WDR19: variants seen among roughly 807,000 people sequenced by gnomAD.
WDR19 encodes the protein WD repeat domain 19, also known as WD repeat-containing protein 19.
A neutral mutation model predicts 180.0 loss-of-function variants in WDR19; 121 were observed. The observed-to-expected ratio is 0.67, with a 90% CI of 0.58 to 0.78. WDR19 has a LOEUF of 0.78. WDR19 is among the 30% of genes least tolerant of loss of function. The pLI, the probability that WDR19 is intolerant of heterozygous loss-of-function variation, is 0.00. For missense variants in WDR19, 1,450 were observed against 1,640.7 expected (o/e 0.88, Z 2.01); for synonymous variants, 497 against 540.7 (o/e 0.92, Z 1.12).
chr4:39,285,798 A>ATTG lies in WDR19; in HGVS notation c.*329_*331dup, dbSNP rs1450299194. ...GTATTTTGAAAAACTTTAAAATAAA[A>ATTG]TTGTTGACTAGATATCTGTGACGTT... On this transcript the variant is annotated 3_prime_UTR_variant, in exon 37 of 37. Coordinates refer to ENST00000399820, the MANE Select transcript of WDR19 (RefSeq NM_025132.4). 4 of 152,236 alleles carry ATTG rather than the reference A, an allele frequency of 2.6e-5. No individual in the cohort carries two copies. Among genetic ancestry groups the ATTG allele is most frequent in the African/African-American group, 9.6e-5 (4 of 41,454 alleles). 9.4% of individuals were successfully genotyped at this position (152,236 alleles called of 1,614,324 possible).
rs1725447541 is a variant in WDR19 at position 39,185,764 on chromosome 4, A to G, written c.45A>G (p.Ala15=). Residue 15 remains alanine, a synonymous_variant, in exon 2 of 37, where the codon GCA becomes GCG. Coordinates refer to ENST00000399820, the MANE Select transcript of WDR19 (RefSeq NM_025132.4). ...FSLLEKTWLG[A]PIQFAWQKTS... ...TGCTAGAAAAGACTTGGCTTGGCGC[A>G]CCAATACAGTTTGCCTGGCAAAAAA... 6 of 1,559,678 alleles carry G rather than the reference A, an allele frequency of 3.8e-6. No individual in the cohort carries two copies. The highest frequency in any genetic ancestry group is 4.3e-6 in the Non-Finnish European group (5 of 1,150,840).
chr4:39,218,378 TGTG>T, intron 14 of WDR19: 1 of 434,358 alleles, frequency 2.3e-6, no homozygotes, highest in South Asian at 3.6e-5. Context: ...ACCTAGCCTG[TGTG>T]GTAGAGCCTA....
intron 1 of WDR19, among the ~76,000 whole-genome samples, chr4:39,185,266 C>T (rs975837086): frequency 6.6e-6 from 1 of 152,114 alleles, no homozygotes; most frequent in Non-Finnish European, 1.5e-5. Flanking sequence ...ACTAATGGAA[C>T]TAATAGAAGA....
intron 24 of WDR19, among the ~76,000 whole-genome samples, chr4:39,252,201 C>T (rs897632178): frequency 2.6e-5 from 4 of 151,632 alleles, no homozygotes; most frequent in African/African-American, 4.9e-5. Flanking sequence ...AGTTCATGTC[C>T]TTTGTAGGGA....
chr4:39,253,651 T>C (rs1733470956), intron 25 of WDR19, among the ~76,000 whole-genome samples: 1 of 151,920 alleles, frequency 6.6e-6, no homozygotes, highest in Admixed American at 6.6e-5. Flanking sequence ...TGGTGGTGCA[T>C]GCCTGTAGTT....
intron 14 of WDR19, among the ~76,000 whole-genome samples, chr4:39,223,519 CGGGGTTTCACCATGTTTTAGTAGAGAT>C (rs1195479207): frequency 5.9e-4 from 90 of 152,062 alleles, no homozygotes; most frequent in Non-Finnish European, 9.7e-4. Context: ...TTAGTAGAGA[CGGGGTTTCACCATGTTTTAGTAGAGAT>C]GGGGTCAGGC....
At chr4:39,227,726 A>G (rs767508733) in intron 15 of WDR19, among the ~76,000 whole-genome samples, 6 of 152,124 alleles carry the variant, frequency 3.9e-5, no homozygotes, top group Non-Finnish European at 5.9e-5. Flanking sequence ...GGATGATTGT[A>G]TATTTATATT....
chr4:39,275,919 C>T (rs1462852248), intron 33 of WDR19, among the ~76,000 whole-genome samples: 1 of 152,180 alleles, frequency 6.6e-6, no homozygotes, highest in Non-Finnish European at 1.5e-5. Flanking sequence ...CCCTTAGGCA[C>T]GTCCTTGCTT....
chr4:39,199,126 A>G (rs1326145918), intron 5 of WDR19, among the ~76,000 whole-genome samples: 1 of 152,148 alleles, frequency 6.6e-6, no homozygotes, highest in Non-Finnish European at 1.5e-5. Context: ...AGATCACACC[A>G]CTGCACTCTA....
intron 15 of WDR19, among the ~76,000 whole-genome samples, chr4:39,226,394 T>C (rs1176351519): frequency 6.6e-6 from 1 of 152,226 alleles, no homozygotes. Context: ...CTTTGTAGGG[T>C]TGTTAAATGA....
In WDR19 at chr4:39,205,626, T is replaced by TA. The variant is rs748656635; in HGVS notation, c.781dup (p.Thr261AsnfsTer13). ...GACATTTTGTGGTCATTTCTACTCA[T>TA]ACTGGAGAGCTTGGTCAAGAGATAT... On this transcript the variant is annotated frameshift_variant, in exon 9 of 37. Transcript: ENST00000399820. LOFTEE classifies it high-confidence loss of function. 1.0e-4 allele frequency: 168 copies of TA among 1,613,306 alleles called. No homozygotes were observed. The highest frequency in any genetic ancestry group is 1.3e-4 in the Non-Finnish European group (159 of 1,179,640).
intron 15 of WDR19, among the ~76,000 whole-genome samples, chr4:39,226,745 A>G (rs1249089239): frequency 2.6e-5 from 4 of 152,242 alleles, no homozygotes; most frequent in Admixed American, 6.5e-5. Flanking sequence ...TCTTGTAAGT[A>G]GCACTGTCCA....
rs776617179 is a variant in WDR19, at chr4:39,186,616, A to G, written c.164+12A>G. 15 of 1,531,598 alleles carry G rather than the reference A, an allele frequency of 9.8e-6. No homozygotes were observed. The highest frequency in any genetic ancestry group is 1.1e-5 in the Non-Finnish European group (13 of 1,143,582). 94.9% of individuals were successfully genotyped at this position (1,531,598 alleles called of 1,614,324 possible). ...ATTAACTTACCTGGGTAAGTACAGAAGTAGATTTAAAAAAACCTGTCAAGT... is the reference window on the plus strand; with the variant it reads ...ATTAACTTACCTGGGTAAGTACAGAGGTAGATTTAAAAAAACCTGTCAAGT... On this transcript the variant is annotated intron_variant, in intron 3 of 36. Coordinates refer to ENST00000399820, the MANE Select transcript of WDR19 (RefSeq NM_025132.4).
chr4:39,272,483 C>T (rs1735465574), intron 31 of WDR19, among the ~76,000 whole-genome samples: 1 of 152,196 alleles, frequency 6.6e-6, no homozygotes, highest in South Asian at 2.1e-4. Flanking sequence ...TGTCCTGGCC[C>T]CTGCTGACTC....
intron 35 of WDR19, 100 bp downstream of exon 35, chr4:39,278,307 AAG>A: frequency 8.3e-7 from 1 of 1,201,954 alleles, no homozygotes; most frequent in South Asian, 1.4e-5. Context: ...TTGTGTTCCT[AAG>A]GATCTCTAAA....
intron 10 of WDR19, 63 bp from the exon 11 acceptor site, chr4:39,215,776 ATT>A (rs2109326040): frequency 6.8e-7 from 1 of 1,460,880 alleles, no homozygotes; most frequent in East Asian, 2.4e-5. Flanking sequence ...AAATGAAAAT[ATT>A]TGTTTGCTGC....
intron 36 of WDR19, among the ~76,000 whole-genome samples, chr4:39,284,994 G>A (rs543160348): frequency 6.6e-6 from 1 of 151,916 alleles, no homozygotes; most frequent in South Asian, 2.1e-4. Flanking sequence ...GGCTCTAGGA[G>A]ACTATAATCA....
At chr4:39,189,947 A>G (rs1049587503) in intron 4 of WDR19, among the ~76,000 whole-genome samples, 166 bp downstream of exon 4, 4 of 152,242 alleles carry the variant, frequency 2.6e-5, no homozygotes, top group Admixed American at 6.5e-5. Flanking sequence ...TGAAATTGTT[A>G]TAACTGTGAA....
At position 39,216,219 on chromosome 4, in the gene WDR19, A is replaced by G. The variant is rs201377206; in HGVS notation, c.1249+9A>G. 238 of 1,544,912 alleles carry G rather than the reference A, an allele frequency of 1.5e-4. No homozygotes were observed. The East Asian group carries it at 5.2e-3, about 34-fold the overall frequency. On this transcript the variant is annotated intron_variant, in intron 12 of 36. Transcript: ENST00000399820. ...TGTCCTTGGAGAAAATGGCAAGTCT[A>G]AATCCAGTTGTTTATTCTTATCTAG...
Sources: gnomAD v4.1 joint callset for allele counts (sites outside exome capture counted in the v4.1 genomes callset) on GRCh38, gnomAD v4.1.1 for gene constraint, MANE v1.5 for transcripts, NCBI Gene and HGNC (gene_info 2026-07-23, HGNC 2026-07-21) for gene names.